The following ENPP1 variants were observed in gnomAD, a reference collection of about 807,000 sequenced individuals.
ENPP1 encodes the protein ectonucleotide pyrophosphatase/phosphodiesterase 1.
Under a neutral mutation model 122.8 loss-of-function variants are expected in ENPP1, and 73 were observed. That is an observed-to-expected ratio of 0.59 (90% confidence interval 0.49 to 0.72). The LOEUF is 0.72. Ranked by LOEUF, ENPP1 falls within the 30% of genes least tolerant of loss-of-function variation. The pLI, the probability that ENPP1 is intolerant of heterozygous loss-of-function variation, is 0.00. For synonymous variants in ENPP1, 367 were observed against 391.6 expected (o/e 0.94, Z 0.74); for missense variants, 978 against 1,128.1 (o/e 0.87, Z 1.91).
chr6:131,842,695 A>G (rs888804014), intron 1 of ENPP1, among the ~76,000 whole-genome samples: 3 of 152,056 alleles, frequency 2.0e-5, no homozygotes, highest in African/African-American at 7.2e-5. Flanking sequence ...CATTGCAATC[A>G]TTCGTTCTAA....
intron 8 of ENPP1, among the ~76,000 whole-genome samples, chr6:131,861,305 T>C (rs926546965): frequency 1.3e-5 from 2 of 152,322 alleles, no homozygotes; most frequent in African/African-American, 4.8e-5. Flanking sequence ...TACACAGATA[T>C]CTCAGCAAGT....
chr6:131,882,556 G>A (rs1355915168), intron 21 of ENPP1, 82 bp downstream of exon 21: 2 of 697,392 alleles, frequency 2.9e-6, no homozygotes, highest in Non-Finnish European at 4.8e-6. Context: ...ACATTATAGG[G>A]TAATATATAT....
rs955478911 is a variant in ENPP1, at chr6:131,890,282, A to T, written c.2608-59A>T. The T allele has an allele frequency of 1.2e-5, 16 of 1,362,406 alleles. No homozygotes were observed. The African/African-American group carries it at 2.0e-4, about 17-fold the overall frequency. 84.4% of individuals were successfully genotyped at this position (1,362,406 alleles called of 1,614,324 possible). A position where few individuals can be genotyped will look rare whatever the true frequency, so the allele number is the denominator to read the frequency against. ...ATTAAACTGGGGAGATGGAGCACTTATAGAAGTGAACTGAGTGTTCTCTTG... is the reference window on the plus strand; with the variant it reads ...ATTAAACTGGGGAGATGGAGCACTTTTAGAAGTGAACTGAGTGTTCTCTTG... On this transcript the variant is annotated intron_variant, in intron 24 of 24. Transcript: ENST00000647893.
chr6:131,834,762 T>C (rs564237430), intron 1 of ENPP1, among the ~76,000 whole-genome samples: 1 of 151,318 alleles, frequency 6.6e-6, no homozygotes, highest in African/African-American at 2.4e-5. Context: ...GGTTTCACCA[T>C]GTTGGCCAGG....
At chr6:131,860,820 G>T (rs986878353) in intron 8 of ENPP1, among the ~76,000 whole-genome samples, 1 of 152,234 alleles carries the variant, frequency 6.6e-6, no homozygotes, top group South Asian at 2.1e-4. Flanking sequence ...AAACTACGTT[G>T]TTTTTGAACG....
intron 11 of ENPP1, among the ~76,000 whole-genome samples, chr6:131,866,144 A>C (rs1004600731): frequency 2.0e-5 from 3 of 152,138 alleles, no homozygotes; most frequent in African/African-American, 7.2e-5. Flanking sequence ...GTCATGAAAA[A>C]AGTGAAAAGA....
At chr6:131,850,808 A>G (rs1179911382) in intron 3 of ENPP1, among the ~76,000 whole-genome samples, 1 of 152,204 alleles carries the variant, frequency 6.6e-6, no homozygotes, top group Non-Finnish European at 1.5e-5. Context: ...GCCTCAAGCA[A>G]TCCTCTCACC....
At chr6:131,870,849 C>T (rs570650171) in intron 13 of ENPP1, among the ~76,000 whole-genome samples, 3 of 152,076 alleles carry the variant, frequency 2.0e-5, no homozygotes, top group Non-Finnish European at 4.4e-5. Flanking sequence ...GAGGCCGAGG[C>T]GGGCGGATCA....
chr6:131,881,568 A>G (rs945395147), intron 20 of ENPP1, among the ~76,000 whole-genome samples: 1 of 152,184 alleles, frequency 6.6e-6, no homozygotes, highest in African/African-American at 2.4e-5. Context: ...CAGATCTCTA[A>G]AAATCAACAT....
In ENPP1 at chr6:131,890,617, T is replaced by C; in HGVS notation, c.*106T>C. 3 of 1,024,408 alleles carry C rather than the reference T, an allele frequency of 2.9e-6. No individual in the cohort carries two copies. The East Asian group carries it at 7.3e-5, about 25-fold the overall frequency. The allele number at this position is 1,024,408 out of a possible 1,614,324, so 63.5% of individuals were successfully genotyped here. A position where few individuals can be genotyped will look rare whatever the true frequency, so the allele number is the denominator to read the frequency against. The stretch of plus-strand genomic sequence containing the variant: ...TTGTTCAGAAACTGTCGACCAGAGT[T>C]AGAACGGAGCCCTCGGTGATGCGGA... On this transcript the variant is annotated 3_prime_UTR_variant, in exon 25 of 25. Transcript: ENST00000647893.
At chr6:131,813,033 G>T (rs1053134709) in intron 1 of ENPP1, among the ~76,000 whole-genome samples, 3 of 152,006 alleles carry the variant, frequency 2.0e-5, no homozygotes, top group Non-Finnish European at 4.4e-5. Context: ...TAGAGACAGG[G>T]TTTCACTTTG....
intron 1 of ENPP1, among the ~76,000 whole-genome samples, chr6:131,834,334 G>A (rs1296365092): frequency 1.3e-5 from 2 of 152,104 alleles, no homozygotes; most frequent in Admixed American, 1.3e-4. Flanking sequence ...CTGTCTGGAG[G>A]GCTTGCAGAA....
chr6:131,867,930 T>TC (rs1782111296), intron 11 of ENPP1, 88 bp from the exon 12 acceptor site: 6 of 828,932 alleles, frequency 7.2e-6, no homozygotes, highest in African/African-American at 6.9e-5. Context: ...TTTCTTTCTT[T>TC]TTTTTTTTTT....
Position 131,826,080 on chromosome 6 carries a change from C to G in ENPP1, c.240+17805C>G. On this transcript the variant is annotated intron_variant, in intron 1 of 24. Transcript: ENST00000647893. ...CAATCAGACAGCTCTGCTTTAGGGA[C>G]TGATATCCTTCCAGTTCAGGAGGAA... 4 of 782,798 alleles carry G rather than the reference C, an allele frequency of 5.1e-6. No individual in the cohort carries two copies. The South Asian group carries it at 5.4e-5, about 10-fold the overall frequency. The allele number at this position is 782,798 out of a possible 1,614,324, so 48.5% of individuals were successfully genotyped here. A position where few individuals can be genotyped will look rare whatever the true frequency, so the allele number is the denominator to read the frequency against.
chr6:131,837,677 A>G (rs1331882928), intron 1 of ENPP1, among the ~76,000 whole-genome samples: 1 of 152,130 alleles, frequency 6.6e-6, no homozygotes, highest in African/African-American at 2.4e-5. Flanking sequence ...TATTCCTATA[A>G]TGATTTCTGT....
intron 11 of ENPP1, 145 bp downstream of exon 11, chr6:131,865,083 G>A: frequency 1.5e-6 from 1 of 676,764 alleles, no homozygotes; most frequent in Non-Finnish European, 2.7e-6. Context: ...TAAATATAAG[G>A]ATGCACTTTA....
Position 131,860,439 on chromosome 6 carries a change from A to C in ENPP1, c.848A>C (p.Lys283Thr). 1 of 1,594,572 alleles carries C rather than the reference A, an allele frequency of 6.3e-7. No homozygotes were observed. The highest frequency in any genetic ancestry group is 8.6e-7 in the Non-Finnish European group (1 of 1,162,744). The stretch of plus-strand genomic sequence containing the variant: ...ATCGACAATAAAATGTATGATCCCA[A>C]AATGAATGCTTCCTTTTCACTTAAA... ...GIIDNKMYDP[K>T]MNASFSLKSK... is the part of the protein sequence containing the mutation. The change falls in exon 8 of 25, where the codon AAA becomes ACA. Residue 283 changes from lysine to threonine, a missense_variant. Coordinates refer to ENST00000647893, the MANE Select transcript of ENPP1 (RefSeq NM_006208.3).
At chr6:131,817,158 A>G (rs2114654446) in intron 1 of ENPP1, among the ~76,000 whole-genome samples, 1 of 152,342 alleles carries the variant, frequency 6.6e-6, no homozygotes, top group Non-Finnish European at 1.5e-5. Flanking sequence ...ATAATAGACT[A>G]TGATGGTAAC....
chr6:131,883,132 A>G (rs1357443886), intron 21 of ENPP1, among the ~76,000 whole-genome samples: 1 of 152,186 alleles, frequency 6.6e-6, no homozygotes, highest in African/African-American at 2.4e-5. Context: ...CTTAAAAGGC[A>G]AAAATCAGAA....
Sources: allele counts gnomAD v4.1 joint callset (sites outside exome capture counted in the v4.1 genomes callset), GRCh38; gene constraint gnomAD v4.1.1; transcripts MANE v1.5; gene names NCBI Gene and HGNC (gene_info 2026-07-23, HGNC 2026-07-21).